Variants in ZCWPW2 observed in about 807,000 individuals in gnomAD.
ZCWPW2 encodes zinc finger CW-type PWWP domain protein 2.
A neutral mutation model predicts 46.6 loss-of-function variants in ZCWPW2; 45 were observed. The observed-to-expected ratio is 0.96, with a 90% CI of 0.76 to 1.24. The LOEUF (loss-of-function observed/expected upper bound fraction) is 1.24, where lower values mean the gene tolerates loss of function less well. Ranked by LOEUF, ZCWPW2 falls within the 50% of genes most tolerant of loss-of-function variation. ZCWPW2 has a pLI of 0.00. For missense variants in ZCWPW2, 429 were observed against 403.9 expected (o/e 1.06, Z -0.53); for synonymous variants, 152 against 137.1 (o/e 1.11, Z -0.76).
At chr3:28,393,438 A>G (rs1695575006) in intron 2 of ZCWPW2, among the ~76,000 whole-genome samples, 1 of 152,164 alleles carries the variant, frequency 6.6e-6, no homozygotes. Flanking sequence ...AACTCATATT[A>G]CAACATTAGT....
chr3:28,431,919 G>A lies in ZCWPW2; in HGVS notation c.333-3191G>A, dbSNP rs142748680. 6.6e-3 allele frequency among the ~76,000 whole-genome samples: 999 copies of A among 152,258 alleles called. 9 individuals are homozygous for A. The highest frequency in any genetic ancestry group is 0.02 in the African/African-American group (840 of 41,550). ...CCAGGAACTTAGAATCATGGTGGAA[G>A]GGGAAGCAAACACATCCTTCTTCAC... On this transcript the variant is annotated intron_variant, in intron 3 of 9. Transcript: ENST00000383768.
intron 1 of ZCWPW2, among the ~76,000 whole-genome samples, chr3:28,383,516 T>A (rs1270704530): frequency 1.3e-5 from 2 of 152,156 alleles, no homozygotes; most frequent in African/African-American, 4.8e-5. Context: ...GTTTTACCTG[T>A]GTAAAATGGG....
chr3:28,486,029 G>A (rs1699589878), intron 5 of ZCWPW2, among the ~76,000 whole-genome samples: 1 of 151,300 alleles, frequency 6.6e-6, no homozygotes, highest in African/African-American at 2.4e-5. Flanking sequence ...TTCTGTCTTT[G>A]TGATTTTGAG....
At chr3:28,383,721 A>G (rs1695177226) in intron 1 of ZCWPW2, among the ~76,000 whole-genome samples, 1 of 152,084 alleles carries the variant, frequency 6.6e-6, no homozygotes, top group African/African-American at 2.4e-5. Flanking sequence ...TCAATTCTAA[A>G]ATTTTCATTA....
chr3:28,352,126 G>GCA (rs111383620), intron 1 of ZCWPW2, among the ~76,000 whole-genome samples: 41,640 of 129,038 alleles, frequency 0.32, 6,791 homozygotes, highest in East Asian at 0.45. Context: ...TCAGATGTAT[G>GCA]CACACACACA....
intron 2 of ZCWPW2, among the ~76,000 whole-genome samples, chr3:28,396,513 T>A (rs11923033): frequency 0.026 from 3,979 of 152,298 alleles, 153 homozygotes; most frequent in African/African-American, 0.085. Flanking sequence ...AAGCATTGTT[T>A]ACAAGTGAGA....
chr3:28,456,923 T>C (rs990271723), intron 4 of ZCWPW2, among the ~76,000 whole-genome samples: 6 of 152,196 alleles, frequency 3.9e-5, no homozygotes, highest in Non-Finnish European at 4.4e-5. Context: ...GATATTGGCC[T>C]GAAGTTTTCT....
At chr3:28,369,662 G>T (rs1231991790) in intron 1 of ZCWPW2, among the ~76,000 whole-genome samples, 1 of 152,174 alleles carries the variant, frequency 6.6e-6, no homozygotes, top group Non-Finnish European at 1.5e-5. Flanking sequence ...CGTGCTGGGG[G>T]AACCACTACT....
intron 6 of ZCWPW2, among the ~76,000 whole-genome samples, chr3:28,513,266 C>T (rs1048834738): frequency 1.3e-5 from 2 of 152,072 alleles, no homozygotes; most frequent in African/African-American, 4.8e-5. Flanking sequence ...TTTCTTGGCT[C>T]TTTTGCTTAC....
chr3:28,441,843 G>T (rs895867507), intron 4 of ZCWPW2, among the ~76,000 whole-genome samples: 3 of 152,286 alleles, frequency 2.0e-5, no homozygotes, highest in African/African-American at 7.2e-5. Context: ...CAAATATTCA[G>T]TTTCCACCAA....
chr3:28,370,307 A>G (rs1271689261), intron 1 of ZCWPW2, among the ~76,000 whole-genome samples: 1 of 152,164 alleles, frequency 6.6e-6, no homozygotes, highest in Admixed American at 6.5e-5. Flanking sequence ...TTCACCCCAA[A>G]AAACATTCAT....
At chr3:28,355,602 C>A (rs1234841752) in intron 1 of ZCWPW2, among the ~76,000 whole-genome samples, 1 of 152,228 alleles carries the variant, frequency 6.6e-6, no homozygotes, top group African/African-American at 2.4e-5. Context: ...TCAAACTATA[C>A]TGCAAGGCTA....
At chr3:28,439,827 G>A (rs930548502) in intron 4 of ZCWPW2, among the ~76,000 whole-genome samples, 1 of 152,136 alleles carries the variant, frequency 6.6e-6, no homozygotes, top group Non-Finnish European at 1.5e-5. Context: ...ATACATGAAC[G>A]AACATGTTTT....
intron 6 of ZCWPW2, among the ~76,000 whole-genome samples, chr3:28,501,891 A>G (rs1278011338): frequency 6.6e-6 from 1 of 151,870 alleles, no homozygotes; most frequent in Non-Finnish European, 1.5e-5. Context: ...TGGGACCACA[A>G]GTGTGCACCA....
intron 5 of ZCWPW2, among the ~76,000 whole-genome samples, chr3:28,483,725 A>G (rs964023002): frequency 6.6e-6 from 1 of 152,114 alleles, no homozygotes; most frequent in Non-Finnish European, 1.5e-5. Context: ...TGCTTGACTA[A>G]TTCACTTTGA....
At chr3:28,399,215 G>A (rs962607518) in intron 2 of ZCWPW2, among the ~76,000 whole-genome samples, 9 of 151,996 alleles carry the variant, frequency 5.9e-5, no homozygotes, top group Non-Finnish European at 7.4e-5. Context: ...CCGTAATCCC[G>A]CTAGGAACAT....
At chr3:28,429,331 T>C (rs1036670804) in intron 3 of ZCWPW2, among the ~76,000 whole-genome samples, 4 of 152,136 alleles carry the variant, frequency 2.6e-5, no homozygotes, top group Admixed American at 6.5e-5. Context: ...ACTTTGAACT[T>C]GAGAGAGATG....
At chr3:28,440,885 C>T (rs1290295000) in intron 4 of ZCWPW2, among the ~76,000 whole-genome samples, 1 of 152,138 alleles carries the variant, frequency 6.6e-6, no homozygotes, top group African/African-American at 2.4e-5. Context: ...TGATAGAGGT[C>T]CAATATAATC....
At chr3:28,523,253 G>A (rs980844344) in intron 9 of ZCWPW2, among the ~76,000 whole-genome samples, 9 of 152,134 alleles carry the variant, frequency 5.9e-5, no homozygotes, top group Admixed American at 5.9e-4. Context: ...TCTGCACCCT[G>A]AGCTTTGTAA....
Sources: gnomAD v4.1 joint callset for allele counts (sites outside exome capture counted in the v4.1 genomes callset) on GRCh38, gnomAD v4.1.1 for gene constraint, MANE v1.5 for transcripts, NCBI Gene and HGNC (gene_info 2026-07-23, HGNC 2026-07-21) for gene names.